Variants in NALCN observed in about 807,000 individuals in gnomAD.
The protein encoded by NALCN is sodium leak channel, non-selective, also known as sodium leak channel NALCN.
A neutral mutation model predicts 225.3 loss-of-function variants in NALCN; 111 were observed. The observed-to-expected ratio is 0.49, with a 90% CI of 0.42 to 0.58. NALCN has a LOEUF of 0.58. Among genes scored for constraint, NALCN ranks in the 20% least tolerant of loss-of-function variants. The probability of loss-of-function intolerance (pLI) is 0.00; values close to 1 mark genes in which losing one functional copy is unlikely to be tolerated. For missense variants in NALCN, 1,378 were observed against 2,202.4 expected, an observed-to-expected ratio of 0.63 and a Z score of 7.49; for synonymous variants, 764 against 769.0, an observed-to-expected ratio of 0.99 and a Z score of 0.11.
chr13:101,116,665 TA>T, intron 18 of NALCN: 1 of 413,888 alleles, frequency 2.4e-6, no homozygotes, highest in South Asian at 1.8e-5. Flanking sequence ...GATTACACAA[TA>T]CCGTCTGGTA....
intron 10 of NALCN, among the ~76,000 whole-genome samples, chr13:101,259,662 T>G (rs1281524455): frequency 6.6e-6 from 1 of 150,582 alleles, no homozygotes; most frequent in Admixed American, 6.6e-5. Context: ...AAGGTTATCA[T>G]GTATTAAACG....
chr13:101,255,162 A>G (rs907049373), intron 11 of NALCN, among the ~76,000 whole-genome samples: 31 of 152,214 alleles, frequency 2.0e-4, no homozygotes, highest in Admixed American at 3.9e-4. Context: ...TTTTAATATT[A>G]TATAAAAAAG....
intron 3 of NALCN, among the ~76,000 whole-genome samples, chr13:101,381,593 T>G (rs1263148846): frequency 6.6e-6 from 1 of 152,154 alleles, no homozygotes; most frequent in African/African-American, 2.4e-5. Flanking sequence ...CCTTCATTCC[T>G]TCCTCCCTCT....
Position 101,143,207 on chromosome 13 carries a change from T to C in NALCN, c.1991A>G (p.Lys664Arg). The C allele has an allele frequency of 6.2e-7, 1 of 1,608,780 alleles. No homozygotes were observed. Among genetic ancestry groups the C allele is most frequent in the South Asian group, 1.1e-5 (1 of 90,114 alleles). Residue 664 changes from lysine (K) to arginine (R), a missense_variant, in exon 17 of 44, where the codon AAG becomes AGG. Physicochemically the swap from Lys to Arg is conservative, Grantham distance 26 (BLOSUM62 2). This residue lies in a region of NALCN where 100 missense variants were observed against 89.4 expected (regional missense o/e 1.12). Transcript: ENST00000251127. ...TVPKIRESFM[K>R]QFIDRQQQDT... ...CTGTTGCTGGCGGTCAATAAACTGCTTCATAAAACTCTCCCTTTGCAAATG... is the reference window on the plus strand; with the variant it reads ...CTGTTGCTGGCGGTCAATAAACTGCCTCATAAAACTCTCCCTTTGCAAATG...
chr13:101,328,737 T>G (rs561733940), intron 7 of NALCN, among the ~76,000 whole-genome samples: 5 of 152,278 alleles, frequency 3.3e-5, no homozygotes, highest in Admixed American at 2.6e-4. Flanking sequence ...ATAGTCTACT[T>G]TAGTCTTCCT....
intron 1 of NALCN, among the ~76,000 whole-genome samples, chr13:101,412,347 C>A (rs187268747): frequency 6.6e-6 from 1 of 152,174 alleles, no homozygotes; most frequent in African/African-American, 2.4e-5. Flanking sequence ...CTTTTCTTTG[C>A]ATAATTGGAA....
chr13:101,214,211 T>C (rs528937045), intron 13 of NALCN, among the ~76,000 whole-genome samples: 14 of 150,560 alleles, frequency 9.3e-5, no homozygotes, highest in African/African-American at 3.4e-4. Context: ...AACCAAACAC[T>C]GCATGTTCTC....
At position 101,363,099 on chromosome 13, in the gene NALCN, A is replaced by C. The variant is rs1287444636; in HGVS notation, c.644+13601T>G. On this transcript the variant is annotated intron_variant, in intron 6 of 43. Coordinates refer to ENST00000251127, the MANE Select transcript of NALCN (RefSeq NM_052867.4). Reference sequence around the variant, plus strand: ...TGAAAGAAATTGAAGTGGACACAAAAAATGGAAAGATATTCGATGCTCATG... The same window carrying C: ...TGAAAGAAATTGAAGTGGACACAAACAATGGAAAGATATTCGATGCTCATG... Among the ~76,000 whole-genome samples, 9 of 152,158 alleles carry C rather than the reference A, an allele frequency of 5.9e-5. 1 individual carries two copies. The highest frequency in any genetic ancestry group is 1.7e-4 in the African/African-American group (7 of 41,462).
intron 1 of NALCN, among the ~76,000 whole-genome samples, chr13:101,415,224 T>TATATATAC: frequency 1.3e-5 from 1 of 76,760 alleles, no homozygotes; most frequent in African/African-American, 8.3e-5. Flanking sequence ...TATATATATA[T>TATATATAC]ACATACATAT....
At chr13:101,120,142 T>G (rs1314489785) in intron 18 of NALCN, among the ~76,000 whole-genome samples, 1 of 152,172 alleles carries the variant, frequency 6.6e-6, no homozygotes, top group Non-Finnish European at 1.5e-5. Flanking sequence ...CTGTTCATAG[T>G]AATGTATATA....
rs192264275 is a variant in NALCN at position 101,250,282 on chromosome 13, A to G, written c.1266+8161T>C. Among the ~76,000 whole-genome samples, 27 of 152,218 alleles carry G rather than the reference A, an allele frequency of 1.8e-4. No homozygotes were observed. In the East Asian group the frequency reaches 4.6e-3, roughly 26 times the overall value. On this transcript the variant is annotated intron_variant, in intron 11 of 43. Transcript: ENST00000251127. Reference sequence around the variant, plus strand: ...TTACTAAAATGAATTAAATTTTCATAATGTAGAGCAAGAATAGCAAGACCA... The same window carrying G: ...TTACTAAAATGAATTAAATTTTCATGATGTAGAGCAAGAATAGCAAGACCA...
chr13:101,373,061 T>C lies in NALCN; in HGVS notation c.644+3639A>G, dbSNP rs2046586072. ...AATCAGAGGGCATTTGTATAAACAT[T>C]ATGCAATATTGACAAATTATAAAAA... On this transcript the variant is annotated intron_variant, in intron 6 of 43. Coordinates refer to ENST00000251127, the MANE Select transcript of NALCN (RefSeq NM_052867.4). 6 of 396,242 alleles carry C rather than the reference T, an allele frequency of 1.5e-5. 1 individual carries two copies. The allele number at this position is 396,242 out of a possible 1,614,324, so 24.5% of individuals were successfully genotyped here.
At chr13:101,160,057 C>A (rs1341456305) in intron 15 of NALCN, among the ~76,000 whole-genome samples, 1 of 152,076 alleles carries the variant, frequency 6.6e-6, no homozygotes, top group Admixed American at 6.6e-5. Flanking sequence ...TGGGTTCAAG[C>A]GATTCTACTG....
intron 28 of NALCN, among the ~76,000 whole-genome samples, chr13:101,093,755 T>C (rs552997097): frequency 6.6e-6 from 1 of 152,160 alleles, no homozygotes; most frequent in South Asian, 2.1e-4. Flanking sequence ...CTTGGGGAGG[T>C]CCCAGAGCTT....
rs115114143 is a variant in NALCN at position 101,351,242 on chromosome 13, C to T, written c.645-5822G>A. 5.5e-4 allele frequency among the ~76,000 whole-genome samples: 84 copies of T among 152,014 alleles called. 1 individual carries two copies. Among genetic ancestry groups the T allele is most frequent in the African/African-American group, 1.9e-3 (79 of 41,490 alleles). On this transcript the variant is annotated intron_variant, in intron 6 of 43. Transcript: ENST00000251127. ...TTATGCACTTTTAAGTGTAATAATC[C>T]ACAAATTGGCACTGATTTTCAATGT... is the stretch of plus-strand genomic sequence containing the variant.
At chr13:101,168,919 C>A (rs2038583016) in intron 15 of NALCN, among the ~76,000 whole-genome samples, 1 of 152,184 alleles carries the variant, frequency 6.6e-6, no homozygotes, top group Admixed American at 6.5e-5. Context: ...TTGGTCTTCA[C>A]TACCCTCCTT....
At chr13:101,068,420 T>C (rs1163996651) in intron 38 of NALCN, among the ~76,000 whole-genome samples, 3 of 152,182 alleles carry the variant, frequency 2.0e-5, no homozygotes, top group Admixed American at 1.3e-4. Flanking sequence ...GCTAGAAAGA[T>C]AGTCCTCTCT....
chr13:101,399,185 T>C lies in NALCN; in HGVS notation c.-39-20A>G. 2.5e-6 allele frequency: 4 copies of C among 1,597,376 alleles called. No individual in the cohort carries two copies. The Admixed American group carries it at 6.8e-5, about 27-fold the overall frequency. On this transcript the variant is annotated intron_variant, in intron 1 of 43. Transcript: ENST00000251127. ...CACAGTCTGGGAAAAGGAAAAGTTGTATTTGTCATCTAAACCATCTTGCCC... is the reference window on the plus strand; with the variant it reads ...CACAGTCTGGGAAAAGGAAAAGTTGCATTTGTCATCTAAACCATCTTGCCC...
chr13:101,062,871 G>A (rs2032068689), intron 40 of NALCN, among the ~76,000 whole-genome samples: 1 of 152,174 alleles, frequency 6.6e-6, no homozygotes, highest in South Asian at 2.1e-4. Context: ...CCAAAGAGCT[G>A]GGATTACAGG....
Sources: gnomAD v4.1 joint callset for allele counts (sites outside exome capture counted in the v4.1 genomes callset) on GRCh38, gnomAD v4.1.1 for gene constraint, gnomAD v4.1.1 regional missense constraint, MANE v1.5 for transcripts, NCBI Gene and HGNC (gene_info 2026-07-23, HGNC 2026-07-21) for gene names.